Variants in RBFOX3 observed in about 807,000 individuals in gnomAD.
RBFOX3 encodes RNA binding protein fox-1 homolog 3.
A neutral mutation model predicts 48.7 loss-of-function variants in RBFOX3; 17 were observed. That is an observed-to-expected ratio of 0.35 (90% CI 0.24 to 0.52). The LOEUF (loss-of-function observed/expected upper bound fraction) is 0.52, where lower values mean the gene tolerates loss of function less well. Ranked by LOEUF, RBFOX3 falls within the 20% of genes least tolerant of loss-of-function variation. RBFOX3 has a pLI of 0.94. For missense variants in RBFOX3, 382 were observed against 497.5 expected, an observed-to-expected ratio of 0.77 and a Z score of 2.21; for synonymous variants, 212 against 209.5, an observed-to-expected ratio of 1.01 and a Z score of -0.10.
At chr17:79,449,577 T>C (rs1004744670) in intron 2 of RBFOX3, among the ~76,000 whole-genome samples, 1 of 151,646 alleles carries the variant, frequency 6.6e-6, no homozygotes, top group African/African-American at 2.4e-5. Flanking sequence ...ATCATTCAAT[T>C]ATAGGTGAAT....
chr17:79,450,824 G>T (rs2070736574), intron 2 of RBFOX3, among the ~76,000 whole-genome samples: 1 of 152,176 alleles, frequency 6.6e-6, no homozygotes, highest in South Asian at 2.1e-4. Flanking sequence ...GGTGCTGTTT[G>T]CATGCATAAC....
At chr17:79,658,294 TTCCCTCTC>T in the RBFOX3 span, among the ~76,000 whole-genome samples, 2 of 75,640 alleles carry the variant, frequency 2.6e-5, no homozygotes, top group African/African-American at 5.1e-5. Context: ...TCCTCCACCC[TTCCCTCTC>T]TCCCTCTCTC....
intron 4 of RBFOX3, among the ~76,000 whole-genome samples, chr17:79,174,470 A>G (rs1262093993): frequency 6.6e-6 from 1 of 151,424 alleles, no homozygotes; most frequent in Non-Finnish European, 1.5e-5. Flanking sequence ...CATGCACACA[A>G]TGCAGTCACA....
intron 1 of RBFOX3, among the ~76,000 whole-genome samples, chr17:79,594,253 A>G (rs1158786343): frequency 2.0e-5 from 3 of 152,116 alleles, no homozygotes; most frequent in Non-Finnish European, 4.4e-5. Context: ...TTCGAGACTG[A>G]GGGGTGAGTC....
chr17:79,500,250 C>CTTTTTTTT (rs1222646327), intron 1 of RBFOX3, among the ~76,000 whole-genome samples: 2 of 104,244 alleles, frequency 1.9e-5, no homozygotes, highest in African/African-American at 3.9e-5. Context: ...AGAGAAATGA[C>CTTTTTTTT]TTTTTTTTTT....
At chr17:79,576,453 G>A (rs1248379402) in intron 1 of RBFOX3, among the ~76,000 whole-genome samples, 2 of 151,286 alleles carry the variant, frequency 1.3e-5, no homozygotes, top group Non-Finnish European at 2.9e-5. Context: ...GATGGAGAAG[G>A]TGGAGATCAT....
chr17:79,139,250 GAC>G (rs1568209035), intron 4 of RBFOX3, among the ~76,000 whole-genome samples: 1 of 149,198 alleles, frequency 6.7e-6, no homozygotes, highest in Non-Finnish European at 1.5e-5. Context: ...CCCCCACCCC[GAC>G]ACAGGGAGAC....
intron 1 of RBFOX3, among the ~76,000 whole-genome samples, chr17:79,552,125 G>A (rs2091214016): frequency 6.6e-6 from 1 of 152,084 alleles, no homozygotes; most frequent in African/African-American, 2.4e-5. Flanking sequence ...AGAAAAACAA[G>A]GTTTTGTGGG....
chr17:79,192,055 T>C (rs907276540), intron 4 of RBFOX3, among the ~76,000 whole-genome samples: 4 of 152,164 alleles, frequency 2.6e-5, no homozygotes, highest in African/African-American at 9.7e-5. Context: ...GAAGCTATTC[T>C]GAGGCTGCCA....
At chr17:79,570,513 C>T (rs1437806006) in intron 1 of RBFOX3, among the ~76,000 whole-genome samples, 3 of 152,186 alleles carry the variant, frequency 2.0e-5, no homozygotes, top group African/African-American at 7.2e-5. Flanking sequence ...CCTCCCTTCC[C>T]CCTACTGACT....
chr17:79,406,435 G>A lies in RBFOX3; in HGVS notation c.-175+76019C>T, dbSNP rs117147788. Among the ~76,000 whole-genome samples the A allele has an allele frequency of 2.4e-3, 365 of 152,222 alleles. 2 individuals are homozygous for A. Among genetic ancestry groups the A allele is most frequent in the African/African-American group, 8.3e-3 (346 of 41,528 alleles). Reference sequence around the variant, plus strand: ...CTCTTCCTGCAACACCCTCCACTCCGTGTCCAGGCAGGACAGCCACCTGCT... The same window carrying A: ...CTCTTCCTGCAACACCCTCCACTCCATGTCCAGGCAGGACAGCCACCTGCT... On this transcript the variant is annotated intron_variant, in intron 2 of 14. Coordinates refer to ENST00000693108, the MANE Select transcript of RBFOX3 (RefSeq NM_001350451.2).
chr17:79,571,378 C>T (rs999238257), intron 1 of RBFOX3, among the ~76,000 whole-genome samples: 15 of 152,190 alleles, frequency 9.9e-5, no homozygotes, highest in Non-Finnish European at 1.8e-4. Context: ...GGACAGGCTA[C>T]GGCCAGGCCT....
Position 79,319,944 on chromosome 17 carries a change from T to C in RBFOX3, c.-174-12120A>G, listed in dbSNP as rs113265931. On this transcript the variant is annotated intron_variant, in intron 2 of 14. Coordinates refer to ENST00000693108, the MANE Select transcript of RBFOX3 (RefSeq NM_001350451.2). ...CTGGTCTATGTCTGGGCTGTTGGTC[T>C]TGTCCAGGCTGCTGGTCTTGTCCGG... Among the ~76,000 whole-genome samples, 545 of 99,300 alleles carry C rather than the reference T, an allele frequency of 5.5e-3. 1 individual carries two copies. The highest frequency in any genetic ancestry group is 8.8e-3 in the East Asian group (26 of 2,964). 65.1% of individuals were successfully genotyped at this position (99,300 alleles called of 152,430 possible). A position where few individuals can be genotyped will look rare whatever the true frequency, so the allele number is the denominator to read the frequency against.
chr17:79,308,202 C>T (rs1393794370), intron 2 of RBFOX3, among the ~76,000 whole-genome samples: 1 of 152,212 alleles, frequency 6.6e-6, no homozygotes, highest in African/African-American at 2.4e-5. Context: ...CCCCAGGTCT[C>T]TCATGCCAGC....
intron 2 of RBFOX3, among the ~76,000 whole-genome samples, chr17:79,431,809 A>G (rs2068513407): frequency 6.6e-6 from 1 of 152,186 alleles, no homozygotes; most frequent in African/African-American, 2.4e-5. Flanking sequence ...CTGAACAAAC[A>G]TATCTCTGAA....
At chr17:79,617,241 T>C in the RBFOX3 span, among the ~76,000 whole-genome samples, 1 of 152,180 alleles carries the variant, frequency 6.6e-6, no homozygotes, top group Non-Finnish European at 1.5e-5. Context: ...TCTCTTGCTC[T>C]ATCCTCTTCT....
At chr17:79,172,800 C>T (rs920976932) in intron 4 of RBFOX3, among the ~76,000 whole-genome samples, 4 of 152,210 alleles carry the variant, frequency 2.6e-5, no homozygotes, top group Non-Finnish European at 4.4e-5. Flanking sequence ...AGAATGTTAA[C>T]GATCTCTCAT....
intron 1 of RBFOX3, among the ~76,000 whole-genome samples, chr17:79,575,875 G>A (rs1026116267): frequency 6.6e-6 from 1 of 152,066 alleles, no homozygotes; most frequent in African/African-American, 2.4e-5. Flanking sequence ...CCACCCCCTC[G>A]GTTAGGCTGA....
chr17:79,170,375 C>A (rs2049014032), intron 4 of RBFOX3, among the ~76,000 whole-genome samples: 1 of 152,026 alleles, frequency 6.6e-6, no homozygotes, highest in Non-Finnish European at 1.5e-5. Flanking sequence ...GAGTCCCCTG[C>A]CAGGGGCCTG....
Sources: allele counts gnomAD v4.1 joint callset (sites outside exome capture counted in the v4.1 genomes callset), GRCh38; gene constraint gnomAD v4.1.1; transcripts MANE v1.5; gene names NCBI Gene and HGNC (gene_info 2026-07-23, HGNC 2026-07-21).